The following TASOR2 variants were observed in gnomAD, a reference collection of about 807,000 sequenced individuals.
TASOR2 encodes the protein protein TASOR 2.
A neutral mutation model predicts 199.5 loss-of-function variants in TASOR2; 84 were observed. The ratio of observed to expected loss-of-function variants is 0.42; its 90% CI spans 0.35 to 0.50. The LOEUF is 0.50. Among genes scored for constraint, TASOR2 ranks in the 20% least tolerant of loss-of-function variants. The pLI is 0.02. For missense variants in TASOR2, 2,796 were observed against 2,835.9 expected, an observed-to-expected ratio of 0.99 and a Z score of 0.32; for synonymous variants, 1,103 against 1,046.6, an observed-to-expected ratio of 1.05 and a Z score of -1.04.
chr10:5,757,435 T>C, intron 16 of TASOR2, 85 bp from the exon 18 acceptor site: 3 of 1,324,614 alleles, frequency 2.3e-6, no homozygotes, highest in Non-Finnish European at 3.1e-6. Context: ...GAACCTTGAC[T>C]CTCTTGGATA....
rs1833100647 is a variant in TASOR2 at position 5,719,591 on chromosome 10, C to T, written c.-99-953C>T. 6.6e-6 allele frequency among the ~76,000 whole-genome samples: 1 copy of T among 152,178 alleles called. No homozygotes were observed. The highest frequency in any genetic ancestry group is 6.5e-5 in the Admixed American group (1 of 15,278). On this transcript the variant is annotated intron_variant, in intron 3 of 20. Coordinates refer to ENST00000328090, the Ensembl canonical transcript of TASOR2. This position sits in a 1 kb window ranked among gnomAD's most constrained non-coding sequence, Gnocchi z 4.1. The stretch of plus-strand genomic sequence containing the variant: ...ATCTCTTGATCTCATGATCTGCCCG[C>T]CTCGGCCTCCCAAAGTGCTGGGTTA...
intron 1 of TASOR2, among the ~76,000 whole-genome samples, chr10:5,697,416 A>G (rs1837295967): frequency 6.6e-6 from 1 of 152,234 alleles, no homozygotes; most frequent in Non-Finnish European, 1.5e-5. Context: ...ACTTATTCAT[A>G]TCCAGAATCA....
chr10:5,696,199 C>T (rs544874410), intron 1 of TASOR2, among the ~76,000 whole-genome samples: 2 of 152,230 alleles, frequency 1.3e-5, no homozygotes, highest in Admixed American at 1.3e-4. Flanking sequence ...AAAACATTAA[C>T]GGATTCTTAG....
chr10:5,690,054 T>G lies in TASOR2; in HGVS notation c.-288+4879T>G, dbSNP rs965421805. ...ATTGATATAAATTATACATGGTGAT[T>G]TATAATTTTAGAAATATCTTCCTTG... On this transcript the variant is annotated intron_variant, in intron 1 of 20. Coordinates refer to ENST00000328090, the Ensembl canonical transcript of TASOR2. This position sits in a 1 kb window ranked among gnomAD's most constrained non-coding sequence, Gnocchi z 4.8. Among the ~76,000 whole-genome samples, 6 of 152,168 alleles carry G rather than the reference T, an allele frequency of 3.9e-5. No individual in the cohort carries two copies. The highest frequency in any genetic ancestry group is 1.3e-4 in the Admixed American group (2 of 15,288).
Position 5,704,182 on chromosome 10 carries a change from C to T in TASOR2, c.-287-8641C>T, listed in dbSNP as rs141143346. The stretch of plus-strand genomic sequence containing the variant: ...AAAGTTGCCGTGAGCCGAGATCACA[C>T]CATTGCACTCCAGCCTGGGTGACAG... On this transcript the variant is annotated intron_variant, in intron 1 of 20. Transcript: ENST00000328090. Among the ~76,000 whole-genome samples, 6,563 of 150,686 alleles carry T rather than the reference C, an allele frequency of 0.044. 666 individuals are homozygous for T. In the East Asian group the frequency reaches 0.44, roughly 10 times the overall value.
At position 5,720,999 on chromosome 10, in the gene TASOR2, A is replaced by G. The variant is rs1309765414; in HGVS notation, c.146+29A>G. The stretch of plus-strand genomic sequence containing the variant: ...AGTATTAAATGTTATGTCCTTTACT[A>G]ATGCTTATATTACAAGTTTTGGGGT... On this transcript the variant is annotated intron_variant, in intron 6 of 20. Coordinates refer to ENST00000328090, the Ensembl canonical transcript of TASOR2. This position sits in a 1 kb window ranked among gnomAD's most constrained non-coding sequence, Gnocchi z 5.3. 1.3e-6 allele frequency: 2 copies of G among 1,546,466 alleles called. No individual in the cohort carries two copies. Among genetic ancestry groups the G allele is most frequent in the Non-Finnish European group, 1.8e-6 (2 of 1,134,946 alleles).
In TASOR2 at chr10:5,687,754, G is replaced by A. The variant is rs1284639992; in HGVS notation, c.-288+2579G>A. Among the ~76,000 whole-genome samples the A allele has an allele frequency of 6.6e-6, 1 of 152,238 alleles. No homozygotes were observed. Among genetic ancestry groups the A allele is most frequent in the Non-Finnish European group, 1.5e-5 (1 of 68,052 alleles). ...AGAATCACTTGAACCTGGGAGACAG[G>A]TTGCAGTGAGCCAAGGTTGTGTCAC... On this transcript the variant is annotated intron_variant, in intron 1 of 20. Coordinates refer to ENST00000328090, the Ensembl canonical transcript of TASOR2. The surrounding 1 kb of genome is among the most constrained non-coding windows in gnomAD (Gnocchi z 4.8).
At chr10:5,747,379 G>A in exon 15 of TASOR2, 2 of 1,614,126 alleles carry the variant, frequency 1.2e-6, no homozygotes, top group South Asian at 2.2e-5. Flanking sequence ...TCAGGATGTA[G>A]CTGAGGAAAT....
intron 1 of TASOR2, among the ~76,000 whole-genome samples, chr10:5,703,796 C>T (rs1392848853): frequency 6.6e-6 from 1 of 152,092 alleles, no homozygotes; most frequent in Non-Finnish European, 1.5e-5. Context: ...GCCACCGCGC[C>T]CGGCCTCTGA....
intron 1 of TASOR2, among the ~76,000 whole-genome samples, chr10:5,707,588 C>T (rs947054253): frequency 1.8e-4 from 27 of 151,978 alleles, no homozygotes; most frequent in African/African-American, 6.3e-4. Context: ...ATTCCTAAAA[C>T]AAACACTATT....
chr10:5,737,399 C>G lies in TASOR2; in HGVS notation c.1447+1853C>G, dbSNP rs1023221983. On this transcript the variant is annotated intron_variant, in intron 12 of 20. Transcript: ENST00000328090. This position sits in a 1 kb window ranked among gnomAD's most constrained non-coding sequence, Gnocchi z 4.9. ...ATCATGTCATTCAAAAACCCATATG[C>G]TGCAGTTTTGGCTTCCATACCAGAT... 5.3e-5 allele frequency among the ~76,000 whole-genome samples: 8 copies of G among 151,686 alleles called. No homozygotes were observed. The highest frequency in any genetic ancestry group is 6.8e-3 in the Middle Eastern group (2 of 294).
At position 5,730,594 on chromosome 10, in the gene TASOR2, A is replaced by G. The variant is rs753517335; in HGVS notation, c.595A>G (p.Arg199Gly). Residue 199 changes from arginine (R) to glycine (G), a missense_variant, in exon 11 of 21, where the codon AGA becomes GGA. Transcript: ENST00000328090. This position sits in a 1 kb window ranked among gnomAD's most constrained non-coding sequence, Gnocchi z 4.1. ...AACAAAGAAATCACTTCCTGAAGAA[A>G]GAATCCATCCAAACACATTAGTAAA... The G allele has an allele frequency of 2.5e-5, 41 of 1,614,100 alleles. No homozygotes were observed. In the Admixed American group the frequency reaches 4.2e-4, roughly 16 times the overall value.
In TASOR2 at chr10:5,737,173, T is replaced by C. The variant is rs1236463002; in HGVS notation, c.1447+1627T>C. The stretch of plus-strand genomic sequence containing the variant: ...TGGGGTTTAACCATTTTGGCCAGGA[T>C]AGTCTCAACTTCTTGACCTCTTGAC... On this transcript the variant is annotated intron_variant, in intron 12 of 20. Coordinates refer to ENST00000328090, the Ensembl canonical transcript of TASOR2. This position sits in a 1 kb window ranked among gnomAD's most constrained non-coding sequence, Gnocchi z 4.9. Among the ~76,000 whole-genome samples the C allele has an allele frequency of 6.6e-6, 1 of 152,168 alleles. No individual in the cohort carries two copies. Among genetic ancestry groups the C allele is most frequent in the South Asian group, 2.1e-4 (1 of 4,830 alleles).
intron 18 of TASOR2, chr10:5,760,920 C>G (rs771438168): frequency 1.3e-5 from 2 of 156,556 alleles, no homozygotes; most frequent in African/African-American, 4.8e-5. Flanking sequence ...TGGCTGCTAC[C>G]TAATTTTAAT....
intron 10 of TASOR2, among the ~76,000 whole-genome samples, chr10:5,728,135 C>T (rs541187272): frequency 2.7e-5 from 4 of 150,836 alleles, no homozygotes; most frequent in South Asian, 4.2e-4. Flanking sequence ...GTGGGAGGAT[C>T]GCTTGAGCCC....
chr10:5,732,186 C>A (rs1239688214), intron 11 of TASOR2, among the ~76,000 whole-genome samples: 1 of 152,238 alleles, frequency 6.6e-6, no homozygotes, highest in African/African-American at 2.4e-5. Flanking sequence ...GACAGCAAAT[C>A]ATATGACTTT....
intron 11 of TASOR2, among the ~76,000 whole-genome samples, chr10:5,732,944 T>A (rs141579063): frequency 3.2e-4 from 49 of 152,280 alleles, no homozygotes; most frequent in African/African-American, 1.1e-3. Context: ...AGTATGGTAG[T>A]ATAAAGCAGT....
chr10:5,747,535 T>G, exon 15 of TASOR2: 1 of 1,614,122 alleles, frequency 6.2e-7, no homozygotes. Flanking sequence ...TTTAATACTT[T>G]CTAAAGAAAA....
chr10:5,723,341 C>T (rs977499631), intron 6 of TASOR2, among the ~76,000 whole-genome samples: 5 of 152,044 alleles, frequency 3.3e-5, no homozygotes, highest in Non-Finnish European at 5.9e-5. Context: ...CAGGCGTGAG[C>T]CACCGTGCCT....
Sources: gnomAD v4.1 joint callset for allele counts (sites outside exome capture counted in the v4.1 genomes callset) on GRCh38, gnomAD v4.1.1 for gene constraint, Gnocchi (gnomAD v3.1) non-coding constraint, MANE v1.5 for transcripts, NCBI Gene and HGNC (gene_info 2026-07-23, HGNC 2026-07-21) for gene names.